The following RAB3GAP1 variants were observed in gnomAD, a reference collection of about 807,000 sequenced individuals.
The protein encoded by RAB3GAP1 is rab3 GTPase-activating protein catalytic subunit.
In RAB3GAP1, 86 loss-of-function variants were observed where a neutral mutation model predicts 130.7. That is an observed-to-expected ratio of 0.66 (90% CI 0.55 to 0.79). RAB3GAP1 has a LOEUF of 0.79. Among genes scored for constraint, RAB3GAP1 ranks in the 30% least tolerant of loss-of-function variants. The pLI is 0.00. For synonymous variants in RAB3GAP1, 367 were observed against 401.7 expected (o/e 0.91, Z 1.03); for missense variants, 1,029 against 1,169.4 (o/e 0.88, Z 1.75).
intron 18 of RAB3GAP1, among the ~76,000 whole-genome samples, chr2:135,151,313 C>T (rs1424342600): frequency 6.6e-6 from 1 of 152,184 alleles, no homozygotes. Context: ...TTTATTTAAC[C>T]TGTGGTGGCC....
intron 18 of RAB3GAP1, among the ~76,000 whole-genome samples, chr2:135,151,794 C>T (rs1692181328): frequency 6.6e-6 from 1 of 152,236 alleles, no homozygotes. Flanking sequence ...AGTAATTTTC[C>T]ATCTGACCTC....
chr2:135,165,154 C>A (rs1404978269), intron 23 of RAB3GAP1: 1 of 456,090 alleles, frequency 2.2e-6, no homozygotes, highest in Non-Finnish European at 4.4e-6. Flanking sequence ...TTTGAGGTTT[C>A]CTAGAAAAGA....
intron 7 of RAB3GAP1, among the ~76,000 whole-genome samples, chr2:135,115,947 G>T (rs983802474): frequency 6.6e-6 from 1 of 152,188 alleles, no homozygotes; most frequent in African/African-American, 2.4e-5. Context: ...GCTCTGTGGG[G>T]TTGGGGGGAA....
At chr2:135,136,790 G>C in intron 17 of RAB3GAP1, 1 of 872,882 alleles carries the variant, frequency 1.1e-6, no homozygotes, top group East Asian at 5.9e-5. Context: ...TGGGAATATT[G>C]ATAGCCATAA....
intron 7 of RAB3GAP1, among the ~76,000 whole-genome samples, chr2:135,119,351 C>T (rs1691127523): frequency 6.6e-6 from 1 of 152,176 alleles, no homozygotes; most frequent in Non-Finnish European, 1.5e-5. Context: ...TTCAAATGAT[C>T]CACCCGCCTT....
chr2:135,157,832 A>G (rs1320737962), intron 19 of RAB3GAP1, among the ~76,000 whole-genome samples: 2 of 71,742 alleles, frequency 2.8e-5, no homozygotes, highest in African/African-American at 3.6e-4. Flanking sequence ...AATCCATCTC[A>G]AAAAAAAAAA....
chr2:135,131,043 A>G (rs914721721), intron 13 of RAB3GAP1, among the ~76,000 whole-genome samples: 4 of 152,172 alleles, frequency 2.6e-5, no homozygotes, highest in African/African-American at 9.7e-5. Context: ...AGGCTTTAGA[A>G]GCAGAGGAAT....
At chr2:135,106,335 C>T (rs895068287) in intron 5 of RAB3GAP1, among the ~76,000 whole-genome samples, 1 of 152,118 alleles carries the variant, frequency 6.6e-6, no homozygotes, top group African/African-American at 2.4e-5. Context: ...TGTGGGGAAA[C>T]GATAGAGAAA....
In RAB3GAP1 at chr2:135,080,437, G is replaced by A. The variant is rs137997791; in HGVS notation, c.151-10561G>A. ...GTCAGATCAGGAAATAAAACACACA[G>A]GCTTAAAATGAAGCCAGGCTGGCTC... On this transcript the variant is annotated intron_variant, in intron 3 of 23. Coordinates refer to ENST00000264158, the MANE Select transcript of RAB3GAP1 (RefSeq NM_012233.3). Among the ~76,000 whole-genome samples, 445 of 152,276 alleles carry A rather than the reference G, an allele frequency of 2.9e-3. 2 individuals are homozygous for A. The highest frequency in any genetic ancestry group is 0.01 in the African/African-American group (421 of 41,540).
At chr2:135,052,551 A>AC in intron 2 of RAB3GAP1, 66 bp downstream of exon 2, 2 of 1,571,008 alleles carry the variant, frequency 1.3e-6, no homozygotes, top group Non-Finnish European at 1.7e-6. Context: ...CGCTTCCCTG[A>AC]CCCCAGACAC....
chr2:135,090,390 G>T (rs919777333), intron 3 of RAB3GAP1, among the ~76,000 whole-genome samples: 1 of 152,112 alleles, frequency 6.6e-6, no homozygotes. Flanking sequence ...GCCTTATGTG[G>T]TGCTATGCTG....
At chr2:135,139,561 A>T (rs1313439573) in intron 17 of RAB3GAP1, among the ~76,000 whole-genome samples, 10 of 151,878 alleles carry the variant, frequency 6.6e-5, no homozygotes, top group Non-Finnish European at 1.3e-4. Flanking sequence ...AAAAAAAAAA[A>T]TAAAAAGTGC....
At chr2:135,086,064 A>G (rs1689972614) in intron 3 of RAB3GAP1, among the ~76,000 whole-genome samples, 1 of 152,212 alleles carries the variant, frequency 6.6e-6, no homozygotes, top group Admixed American at 6.5e-5. Context: ...TGTTTTAAAA[A>G]TTCACCCATA....
intron 17 of RAB3GAP1, among the ~76,000 whole-genome samples, chr2:135,145,313 T>C (rs1296368290): frequency 6.6e-6 from 1 of 152,070 alleles, no homozygotes; most frequent in Non-Finnish European, 1.5e-5. Flanking sequence ...TACTTTACTA[T>C]TGAACATTAG....
intron 14 of RAB3GAP1, 31 bp from the exon 15 acceptor site, chr2:135,133,830 G>C: frequency 6.3e-7 from 1 of 1,599,562 alleles, no homozygotes; most frequent in Non-Finnish European, 8.6e-7. Flanking sequence ...TTGGTAACAA[G>C]TTTGCTTTGT....
intron 18 of RAB3GAP1, among the ~76,000 whole-genome samples, chr2:135,153,309 C>T (rs1398694106): frequency 6.6e-6 from 1 of 151,630 alleles, no homozygotes; most frequent in Non-Finnish European, 1.5e-5. Context: ...CTCTTTACAT[C>T]GAGTTTTTAT....
At chr2:135,087,534 T>C (rs538871833) in intron 3 of RAB3GAP1, among the ~76,000 whole-genome samples, 54 of 152,332 alleles carry the variant, frequency 3.5e-4, no homozygotes, top group African/African-American at 1.3e-3. Flanking sequence ...TGTATCTCTA[T>C]TAGGTCTTTA....
intron 8 of RAB3GAP1, among the ~76,000 whole-genome samples, chr2:135,122,812 C>G (rs1408092204): frequency 6.6e-6 from 1 of 152,130 alleles, no homozygotes; most frequent in Non-Finnish European, 1.5e-5. Flanking sequence ...ACCTCTGCCT[C>G]CTGGGTTCAA....
At chr2:135,133,744 T>C (rs1691608859) in intron 14 of RAB3GAP1, 117 bp from the exon 15 acceptor site, 6 of 820,128 alleles carry the variant, frequency 7.3e-6, no homozygotes, top group Non-Finnish European at 1.2e-5. Context: ...TGATAATGCC[T>C]AGTTTAGGTG....
Sources: gnomAD v4.1 joint callset for allele counts (sites outside exome capture counted in the v4.1 genomes callset) on GRCh38, gnomAD v4.1.1 for gene constraint, MANE v1.5 for transcripts, NCBI Gene and HGNC (gene_info 2026-07-23, HGNC 2026-07-21) for gene names.